Variants in PDE1C observed in about 807,000 individuals in gnomAD.
The protein encoded by PDE1C is dual specificity calcium/calmodulin-dependent 3',5'-cyclic nucleotide phosphodiesterase 1C.
PDE1C carries 62 observed loss-of-function variants against 93.1 expected under a neutral mutation model. The ratio of observed to expected loss-of-function variants is 0.67; its 90% CI spans 0.54 to 0.82. The LOEUF is 0.82. Ranked by LOEUF, PDE1C falls within the 40% of genes least tolerant of loss-of-function variation. The pLI, the probability that PDE1C is intolerant of heterozygous loss-of-function variation, is 0.00. For missense variants in PDE1C, 742 were observed against 884.6 expected (o/e 0.84, Z 2.04); for synonymous variants, 325 against 310.1 (o/e 1.05, Z -0.50).
intron 1 of PDE1C, among the ~76,000 whole-genome samples, chr7:32,340,994 T>C (rs943096224): frequency 6.6e-6 from 1 of 151,866 alleles, no homozygotes; most frequent in African/African-American, 2.4e-5. Context: ...TAATGTAAAC[T>C]ATGGACTTTG....
At chr7:32,297,164 G>C (rs551983706) in intron 1 of PDE1C, among the ~76,000 whole-genome samples, 13 of 152,250 alleles carry the variant, frequency 8.5e-5, no homozygotes, top group African/African-American at 2.6e-4. Context: ...GATTTGGTAC[G>C]TTTGGAGAAG....
Position 31,847,992 on chromosome 7 carries a change from A to G in PDE1C, c.956T>C (p.Ile319Thr), listed in dbSNP as rs1436397755. 1 of 1,612,962 alleles carries G rather than the reference A, an allele frequency of 6.2e-7. No homozygotes were observed. Among genetic ancestry groups the G allele is most frequent in the Admixed American group, 1.7e-5 (1 of 59,920 alleles). Residue 319 changes from isoleucine to threonine, a missense_variant, in exon 9 of 18, where the codon ATT (isoleucine) becomes ACT (threonine). By Grantham distance (89) the Ile-to-Thr change is moderately conservative (BLOSUM62 -1). Around this residue, in one of 4 missense-constraint regions of PDE1C, gnomAD observed 205 missense variants for 295.3 expected, o/e 0.69. Coordinates refer to ENST00000396191, the MANE Select transcript of PDE1C (RefSeq NM_001191057.4). ...LQDDEEMNIL[I>T]NLSKDDWREF... ...CCTCCAGTCATCCTTTGAGAGGTTA[A>G]TCAAAATATTCATTTCCTCGTCATC...
At chr7:32,237,742 G>GTGTATATATATATA (rs1554293052) in intron 1 of PDE1C, among the ~76,000 whole-genome samples, 2 of 31,240 alleles carry the variant, frequency 6.4e-5, no homozygotes, top group African/African-American at 2.5e-4. Context: ...TTGGCTCTGT[G>GTGTATATATATATA]TATATATATA....
intron 2 of PDE1C, among the ~76,000 whole-genome samples, chr7:31,906,992 T>C (rs112764117): frequency 1.3e-5 from 2 of 152,028 alleles, no homozygotes; most frequent in Admixed American, 6.6e-5. Context: ...ATAACTATGA[T>C]GCAAGGCAGA....
the PDE1C span, among the ~76,000 whole-genome samples, chr7:31,664,696 T>C: frequency 6.6e-6 from 1 of 152,190 alleles, no homozygotes; most frequent in Admixed American, 6.5e-5. Context: ...AGGAATAGCC[T>C]CTCAAAGCAA....
chr7:31,657,251 T>C, the PDE1C span, among the ~76,000 whole-genome samples: 1 of 98,412 alleles, frequency 1.0e-5, no homozygotes, highest in Non-Finnish European at 2.3e-5. Flanking sequence ...TTGAGTTGAC[T>C]CTGATTTCCT....
At chr7:32,044,303 A>T (rs901663426) in intron 2 of PDE1C, among the ~76,000 whole-genome samples, 4 of 152,238 alleles carry the variant, frequency 2.6e-5, no homozygotes, top group Admixed American at 2.0e-4. Flanking sequence ...ATCATAAAAA[A>T]ATCAGGCAAA....
chr7:31,653,280 T>TG, the PDE1C span: 1 of 166,110 alleles, frequency 6.0e-6, no homozygotes, highest in Non-Finnish European at 1.3e-5. Flanking sequence ...GAAAGAGGTG[T>TG]GGGTACATAG....
At chr7:31,654,599 G>A in the PDE1C span, among the ~76,000 whole-genome samples, 1 of 152,112 alleles carries the variant, frequency 6.6e-6, no homozygotes, top group Non-Finnish European at 1.5e-5. Flanking sequence ...AGCAAATGTC[G>A]TCAAGTTGCT....
At chr7:31,657,214 G>T in the PDE1C span, among the ~76,000 whole-genome samples, 1 of 18,344 alleles carries the variant, frequency 5.5e-5, no homozygotes, top group South Asian at 2.5e-3. Context: ...ACTGTAAGTT[G>T]TCTAAGCTCT....
chr7:32,239,415 C>T (rs1490430478), intron 1 of PDE1C, among the ~76,000 whole-genome samples: 2 of 152,018 alleles, frequency 1.3e-5, no homozygotes, highest in African/African-American at 4.8e-5. Flanking sequence ...AATCCATAAA[C>T]AAAGTGCAAT....
At chr7:32,240,012 G>T (rs1808423597) in intron 1 of PDE1C, among the ~76,000 whole-genome samples, 1 of 152,156 alleles carries the variant, frequency 6.6e-6, no homozygotes, top group South Asian at 2.1e-4. Context: ...CCTGAATTGG[G>T]CCCCCTGCCA....
the PDE1C span, among the ~76,000 whole-genome samples, chr7:31,677,912 G>A: frequency 0.82 from 124,875 of 152,052 alleles, 51,838 homozygotes; most frequent in African/African-American, 0.95. Flanking sequence ...AAAATGCTAA[G>A]AATCTTAGGA....
At chr7:31,625,213 G>A in the PDE1C span, among the ~76,000 whole-genome samples, 3,656 of 152,184 alleles carry the variant, frequency 0.024, 67 homozygotes, top group South Asian at 0.061. Flanking sequence ...AAGTCAGTGT[G>A]GCGATTCCTC....
chr7:32,334,226 C>A (rs1024509377), intron 1 of PDE1C, among the ~76,000 whole-genome samples: 9 of 152,126 alleles, frequency 5.9e-5, no homozygotes, highest in African/African-American at 2.2e-4. Context: ...ACTTCAATTG[C>A]AATTATATAA....
At chr7:31,875,793 CTATATATATATATATATATA>C (rs71559206) in intron 5 of PDE1C, among the ~76,000 whole-genome samples, 510 of 43,118 alleles carry the variant, frequency 0.012, 59 homozygotes, top group African/African-American at 0.034. Context: ...AAGCTTACAT[CTATATATATATATATATATA>C]TATATATATA....
chr7:31,696,432 G>T, the PDE1C span, among the ~76,000 whole-genome samples: 1 of 152,160 alleles, frequency 6.6e-6, no homozygotes, highest in South Asian at 2.1e-4. Flanking sequence ...TGTGGGTAGT[G>T]AATTGTGGAA....
chr7:31,954,339 C>G (rs1264784454), intron 2 of PDE1C, among the ~76,000 whole-genome samples: 2 of 152,114 alleles, frequency 1.3e-5, no homozygotes, highest in Non-Finnish European at 2.9e-5. Flanking sequence ...ACAGAAAGAG[C>G]CTGAGTACCC....
the PDE1C span, among the ~76,000 whole-genome samples, chr7:31,645,978 T>A: frequency 1.3e-5 from 2 of 152,098 alleles, no homozygotes; most frequent in Non-Finnish European, 2.9e-5. Context: ...GAAGGTGACA[T>A]TTTGAGAGGC....
Sources: allele counts gnomAD v4.1 joint callset (sites outside exome capture counted in the v4.1 genomes callset), GRCh38; gene constraint gnomAD v4.1.1; regional missense constraint gnomAD v4.1.1; transcripts MANE v1.5; gene names NCBI Gene and HGNC (gene_info 2026-07-23, HGNC 2026-07-21).